The following WWOX variants were observed in gnomAD, a reference collection of about 807,000 sequenced individuals.
WWOX encodes the protein WW domain containing oxidoreductase, also known as WW domain-containing oxidoreductase.
In WWOX, 69 loss-of-function variants were observed where a neutral mutation model predicts 46.2. That is an observed-to-expected ratio of 1.49 (90% confidence interval 1.23 to 1.82). WWOX has a LOEUF of 1.82. Among genes scored for constraint, WWOX ranks in the 40% most tolerant of loss-of-function variants. WWOX has a pLI of 0.00. For synonymous variants in WWOX, 359 were observed against 202.6 expected (o/e 1.77, Z -6.56); for missense variants, 919 against 542.6 (o/e 1.69, Z -6.89).
At chr16:79,140,619 C>G (rs2050071174) in intron 8 of WWOX, among the ~76,000 whole-genome samples, 1 of 152,188 alleles carries the variant, frequency 6.6e-6, no homozygotes, top group Admixed American at 6.5e-5. Context: ...GGCAAGCCAC[C>G]AGGTGGTAAT....
rs186105772 is a variant in WWOX, at chr16:78,821,557, G to A, written c.1056+388805G>A. Among the ~76,000 whole-genome samples the A allele has an allele frequency of 3.9e-5, 6 of 152,270 alleles. No homozygotes were observed. In the East Asian group the frequency reaches 1.2e-3, roughly 29 times the overall value. ...CTAGGAAGTTCACCCATTCCCAACA[G>A]TGTCCCAGGGTCAAGCTCAGATGAC... On this transcript the variant is annotated intron_variant, in intron 8 of 8. Coordinates refer to ENST00000566780, the MANE Select transcript of WWOX (RefSeq NM_016373.4).
At chr16:78,849,829 T>C (rs1280182162) in intron 8 of WWOX, among the ~76,000 whole-genome samples, 2 of 152,048 alleles carry the variant, frequency 1.3e-5, no homozygotes, top group Admixed American at 1.3e-4. Context: ...TCCCAGCACT[T>C]TGGGAGGCCG....
chr16:78,879,920 G>A (rs995949499), intron 8 of WWOX, among the ~76,000 whole-genome samples: 1 of 151,962 alleles, frequency 6.6e-6, no homozygotes, highest in African/African-American at 2.4e-5. Context: ...TAACAGTCTG[G>A]AATCTCTAGG....
intron 8 of WWOX, among the ~76,000 whole-genome samples, chr16:79,046,948 C>A (rs2048076746): frequency 6.6e-6 from 1 of 152,178 alleles, no homozygotes; most frequent in Non-Finnish European, 1.5e-5. Flanking sequence ...TATCTCCCTT[C>A]CATGTAAAAG....
At chr16:78,542,937 A>G (rs1338709630) in intron 8 of WWOX, among the ~76,000 whole-genome samples, 2 of 152,188 alleles carry the variant, frequency 1.3e-5, no homozygotes, top group Non-Finnish European at 2.9e-5. Flanking sequence ...GAACCAATAG[A>G]AAAATGAGAG....
Position 78,350,846 on chromosome 16 carries a change from C to T in WWOX, c.517-36014C>T, listed in dbSNP as rs117619586. ...GCAATTTCTGGATCACGTGGAACTC[C>T]TTGTTTAACCTTTTGAGGAGCCACC... On this transcript the variant is annotated intron_variant, in intron 5 of 8. Transcript: ENST00000566780. 5.4e-3 allele frequency among the ~76,000 whole-genome samples: 653 copies of T among 120,440 alleles called. 201 individuals carry two copies. The highest frequency in any genetic ancestry group is 9.1e-3 in the Non-Finnish European group (458 of 50,470). The allele number at this position is 120,440 out of a possible 152,430, so 79.0% of individuals were successfully genotyped here.
rs2047478595 is a variant in WWOX, at chr16:79,019,173, A to AG, written c.1057-192435_1057-192434insG. On this transcript the variant is annotated intron_variant, in intron 8 of 8. Coordinates refer to ENST00000566780, the MANE Select transcript of WWOX (RefSeq NM_016373.4). ...ACCTTGTCTCAAAAAAAAAAAAAAA[A>AG]AAAAAAAAAAAAGAAAAAAAAAAGT... 5.3e-5 allele frequency among the ~76,000 whole-genome samples: 3 copies of AG among 56,852 alleles called. 1 individual carries two copies. Among genetic ancestry groups the AG allele is most frequent in the Non-Finnish European group, 9.0e-5 (3 of 33,354 alleles). The allele number at this position is 56,852 out of a possible 152,430, so 37.3% of individuals were successfully genotyped here. A position where few individuals can be genotyped will look rare whatever the true frequency, so the allele number is the denominator to read the frequency against.
intron 8 of WWOX, among the ~76,000 whole-genome samples, chr16:79,189,538 C>T (rs919664050): frequency 5.9e-5 from 9 of 151,402 alleles, no homozygotes; most frequent in Non-Finnish European, 8.8e-5. Context: ...TAGCTTCAAG[C>T]GATCCTCCTA....
intron 8 of WWOX, among the ~76,000 whole-genome samples, chr16:78,579,337 CAG>C (rs2044988083): frequency 6.6e-6 from 1 of 152,052 alleles, no homozygotes; most frequent in African/African-American, 2.4e-5. Context: ...AAGAGTGAGA[CAG>C]GGAGGCAGGG....
intron 8 of WWOX, among the ~76,000 whole-genome samples, chr16:79,088,281 A>G (rs1404708473): frequency 6.6e-6 from 1 of 152,196 alleles, no homozygotes; most frequent in African/African-American, 2.4e-5. Context: ...AGGTAAAGGG[A>G]GGACGCAGAG....
At chr16:79,131,101 T>C (rs915948688) in intron 8 of WWOX, among the ~76,000 whole-genome samples, 1 of 152,138 alleles carries the variant, frequency 6.6e-6, no homozygotes, top group South Asian at 2.1e-4. Context: ...GGGCTTTCTG[T>C]GAGAGTTGGA....
chr16:78,837,988 C>G (rs1369305082), intron 8 of WWOX, among the ~76,000 whole-genome samples: 3 of 152,134 alleles, frequency 2.0e-5, no homozygotes, highest in Non-Finnish European at 4.4e-5. Flanking sequence ...AAAGGTTTCT[C>G]CAAAGGTCTT....
At chr16:78,271,763 G>C (rs2079481319) in intron 5 of WWOX, among the ~76,000 whole-genome samples, 1 of 152,196 alleles carries the variant, frequency 6.6e-6, no homozygotes, top group African/African-American at 2.4e-5. Flanking sequence ...GGGAGGCCTG[G>C]CGGAGAAGCA....
At chr16:79,023,907 G>C (rs1292213190) in intron 8 of WWOX, among the ~76,000 whole-genome samples, 3 of 152,082 alleles carry the variant, frequency 2.0e-5, no homozygotes, top group Non-Finnish European at 4.4e-5. Flanking sequence ...AGTGAGACAA[G>C]ATTGTGCCAC....
chr16:78,196,488 C>G (rs1189665718), intron 5 of WWOX, among the ~76,000 whole-genome samples: 5 of 152,180 alleles, frequency 3.3e-5, no homozygotes, highest in Non-Finnish European at 5.9e-5. Context: ...TGCAAATAAG[C>G]TACTTTGTAA....
chr16:79,143,509 C>T, intron 8 of WWOX, among the ~76,000 whole-genome samples: 1 of 152,236 alleles, frequency 6.6e-6, no homozygotes, highest in Middle Eastern at 3.4e-3. Context: ...TAGGACAAAC[C>T]ATTTGAGTGG....
chr16:78,640,548 T>C (rs1389476197), intron 8 of WWOX, among the ~76,000 whole-genome samples: 1 of 152,052 alleles, frequency 6.6e-6, no homozygotes, highest in Non-Finnish European at 1.5e-5. Context: ...ATGTAGGTGA[T>C]ACGTTGATCT....
rs573889916 is a variant in WWOX at position 78,702,506 on chromosome 16, C to G, written c.1056+269754C>G. Among the ~76,000 whole-genome samples the G allele has an allele frequency of 4.3e-4, 65 of 151,718 alleles. 1 individual carries two copies. The highest frequency in any genetic ancestry group is 1.6e-3 in the African/African-American group (65 of 41,364). ...TCTCTACTAAAAATACAAAAATTAG[C>G]CAGGCACAGTGGCTCATGTCTGTAA... is the stretch of plus-strand genomic sequence containing the variant. On this transcript the variant is annotated intron_variant, in intron 8 of 8. Coordinates refer to ENST00000566780, the MANE Select transcript of WWOX (RefSeq NM_016373.4).
In WWOX at chr16:78,686,509, T is replaced by TG. The variant is rs1342667556; in HGVS notation, c.1056+253757_1056+253758insG. On this transcript the variant is annotated intron_variant, in intron 8 of 8. Transcript: ENST00000566780. The stretch of plus-strand genomic sequence containing the variant: ...CTGGGGGACAGAGCGAGACTCCCTG[T>TG]CAAAAAAAAAAAAGAAATCTGTTAG... Among the ~76,000 whole-genome samples the TG allele has an allele frequency of 3.3e-5, 3 of 90,520 alleles. No homozygotes were observed. In the Admixed American group the frequency reaches 4.0e-4, roughly 12 times the overall value. 59.4% of individuals were successfully genotyped at this position (90,520 alleles called of 152,430 possible). A position where few individuals can be genotyped will look rare whatever the true frequency, so the allele number is the denominator to read the frequency against.
Sources: gnomAD v4.1 joint callset for allele counts (sites outside exome capture counted in the v4.1 genomes callset) on GRCh38, gnomAD v4.1.1 for gene constraint, MANE v1.5 for transcripts, NCBI Gene and HGNC (gene_info 2026-07-23, HGNC 2026-07-21) for gene names.